The following CFAP61 variants were observed in gnomAD, a reference collection of about 807,000 sequenced individuals.
The protein encoded by CFAP61 is cilia- and flagella-associated protein 61.
CFAP61 carries 107 observed loss-of-function variants against 135.6 expected under a neutral mutation model. The ratio of observed to expected loss-of-function variants is 0.79; its 90% confidence interval spans 0.67 to 0.93. The LOEUF is 0.93. CFAP61 is among the 40% of genes least tolerant of loss of function. The pLI is 0.00. For synonymous variants in CFAP61, 575 were observed against 578.5 expected (o/e 0.99, Z 0.09); for missense variants, 1,507 against 1,556.2 (o/e 0.97, Z 0.53).
intron 21 of CFAP61, among the ~76,000 whole-genome samples, chr20:20,273,299 T>G (rs1474474310): frequency 6.6e-6 from 1 of 152,158 alleles, no homozygotes; most frequent in Non-Finnish European, 1.5e-5. Flanking sequence ...ACACACAATT[T>G]TGGTTACATT....
chr20:20,269,188 C>T (rs376837303), intron 21 of CFAP61, among the ~76,000 whole-genome samples: 1,780 of 131,042 alleles, frequency 0.014, 92 homozygotes, highest in African/African-American at 0.046. Context: ...TATACACACA[C>T]ATATATACAT....
chr20:20,353,446 C>T (rs531731228), intron 26 of CFAP61, among the ~76,000 whole-genome samples: 1 of 152,230 alleles, frequency 6.6e-6, no homozygotes, highest in African/African-American at 2.4e-5. Context: ...CAACCTACCA[C>T]CCGGAACTGA....
chr20:20,181,849 T>C (rs765027350), intron 13 of CFAP61, among the ~76,000 whole-genome samples: 2 of 152,220 alleles, frequency 1.3e-5, no homozygotes, highest in Non-Finnish European at 2.9e-5. Flanking sequence ...CAAGGTGATA[T>C]GTGGAACAGG....
intron 8 of CFAP61, 115 bp downstream of exon 8, chr20:20,098,929 C>A: frequency 1.1e-6 from 1 of 932,028 alleles, no homozygotes; most frequent in Non-Finnish European, 1.6e-6. Context: ...TTCCCCAGTT[C>A]CCCTTAAGGA....
chr20:20,357,851 AG>A (rs2059296574), intron 26 of CFAP61, among the ~76,000 whole-genome samples: 1 of 16,524 alleles, frequency 6.1e-5, no homozygotes, highest in African/African-American at 2.0e-4. Flanking sequence ...AGGTGGTCAC[AG>A]TGTGAGGGGA....
At chr20:20,107,533 A>G (rs1020795709) in intron 8 of CFAP61, 1 of 152,208 alleles carries the variant, frequency 6.6e-6, no homozygotes, top group Non-Finnish European at 1.5e-5. Context: ...AAGATGAAAA[A>G]TTAGCATACA....
At position 20,169,243 on chromosome 20, in the gene CFAP61, TGG is replaced by T; in HGVS notation, c.1246-77_1246-76del. 2.2e-6 allele frequency: 3 copies of T among 1,371,114 alleles called. No individual in the cohort carries two copies. The South Asian group carries it at 4.3e-5, about 20-fold the overall frequency. 84.9% of individuals were successfully genotyped at this position (1,371,114 alleles called of 1,614,324 possible). A position where few individuals can be genotyped will look rare whatever the true frequency, so the allele number is the denominator to read the frequency against. ...CAACACATTTTGCTTCTATTTTTCT[TGG>T]TGTTTTTTAGAGGAATTTGTTTTTT... On this transcript the variant is annotated intron_variant, in intron 12 of 26. Transcript: ENST00000245957.
In CFAP61 at chr20:20,208,017, G is replaced by A. The variant is rs13339912; in HGVS notation, c.1932+8115G>A. Among the ~76,000 whole-genome samples, 1,373 of 152,280 alleles carry A rather than the reference G, an allele frequency of 9.0e-3. 19 individuals are homozygous for A. Among genetic ancestry groups the A allele is most frequent in the African/African-American group, 0.031 (1,301 of 41,530 alleles). The stretch of plus-strand genomic sequence containing the variant: ...AGTTTTCTGTTAAGCTGCAAGCCCC[G>A]CTGCTCAGTGAGTCCTTTCCTCCTG... On this transcript the variant is annotated intron_variant, in intron 17 of 26. Transcript: ENST00000245957.
intron 25 of CFAP61, among the ~76,000 whole-genome samples, chr20:20,324,223 G>A (rs1342690236): frequency 6.6e-6 from 1 of 152,116 alleles, no homozygotes; most frequent in Non-Finnish European, 1.5e-5. Context: ...AAGTAGGAAA[G>A]ATAGAAAATT....
At chr20:20,237,463 C>T (rs1235435022) in intron 18 of CFAP61, among the ~76,000 whole-genome samples, 2 of 152,310 alleles carry the variant, frequency 1.3e-5, no homozygotes, top group South Asian at 2.1e-4. Context: ...AGCTTGTAAC[C>T]TCTGTCTCAC....
intron 13 of CFAP61, among the ~76,000 whole-genome samples, chr20:20,187,256 A>G (rs755367057): frequency 1.6e-4 from 25 of 152,240 alleles, no homozygotes; most frequent in Admixed American, 5.2e-4. Flanking sequence ...AAAGCAACCA[A>G]TGTCGCTCCT....
At chr20:20,316,070 G>A (rs1262728547) in intron 25 of CFAP61, among the ~76,000 whole-genome samples, 2 of 151,838 alleles carry the variant, frequency 1.3e-5, no homozygotes, top group Non-Finnish European at 2.9e-5. Flanking sequence ...TTCCAATTCT[G>A]TGAAGAAAGT....
intron 26 of CFAP61, among the ~76,000 whole-genome samples, chr20:20,354,490 G>A (rs1267678753): frequency 2.5e-5 from 3 of 118,708 alleles, no homozygotes; most frequent in Non-Finnish European, 5.1e-5. Context: ...GTGACAGAGA[G>A]AGACCTTGTC....
intron 25 of CFAP61, among the ~76,000 whole-genome samples, chr20:20,334,134 CT>C (rs369518645): frequency 1.4e-3 from 211 of 149,744 alleles, no homozygotes; most frequent in African/African-American, 4.7e-3. Context: ...TTAACTTCTT[CT>C]TTTTTTTTTG....
chr20:20,298,717 A>T (rs1458560533), intron 25 of CFAP61, among the ~76,000 whole-genome samples: 4 of 152,088 alleles, frequency 2.6e-5, no homozygotes, highest in Non-Finnish European at 5.9e-5. Flanking sequence ...GAAATGTAGG[A>T]GGTCAATTTG....
chr20:20,277,538 C>A, intron 22 of CFAP61, 80 bp downstream of exon 22: 1 of 1,431,744 alleles, frequency 7.0e-7, no homozygotes, highest in South Asian at 1.4e-5. Context: ...TGGAAGATTG[C>A]GGGCAGTGAA....
intron 17 of CFAP61, among the ~76,000 whole-genome samples, chr20:20,213,899 A>G (rs966582404): frequency 2.0e-5 from 3 of 147,526 alleles, no homozygotes; most frequent in Admixed American, 1.4e-4. Flanking sequence ...ATGGTGTGCA[A>G]TCTCTCTCTC....
intron 8 of CFAP61, among the ~76,000 whole-genome samples, chr20:20,115,827 A>T (rs866878226): frequency 3.3e-5 from 5 of 152,272 alleles, no homozygotes; most frequent in South Asian, 4.1e-4. Flanking sequence ...CATTTGCTTT[A>T]TCCATTCATC....
chr20:20,088,694 A>G (rs912699367), intron 6 of CFAP61, among the ~76,000 whole-genome samples: 1 of 152,148 alleles, frequency 6.6e-6, no homozygotes, highest in African/African-American at 2.4e-5. Context: ...CTGTGGAGTC[A>G]TGGTGATGGT....
Sources: gnomAD v4.1 joint callset for allele counts (sites outside exome capture counted in the v4.1 genomes callset) on GRCh38, gnomAD v4.1.1 for gene constraint, MANE v1.5 for transcripts, NCBI Gene and HGNC (gene_info 2026-07-23, HGNC 2026-07-21) for gene names.